The following SPTLC1 variants were observed in gnomAD, a reference collection of about 807,000 sequenced individuals.
The protein encoded by SPTLC1 is serine palmitoyltransferase 1.
A neutral mutation model predicts 68.9 loss-of-function variants in SPTLC1; 55 were observed. The ratio of observed to expected loss-of-function variants is 0.80; its 90% CI spans 0.64 to 1.00. The LOEUF (loss-of-function observed/expected upper bound fraction) is 1.00. SPTLC1 is among the 50% of genes least tolerant of loss of function. The pLI, the probability that SPTLC1 is intolerant of heterozygous loss-of-function variation, is 0.00. For missense variants in SPTLC1, 449 were observed against 573.1 expected, an observed-to-expected ratio of 0.78 and a Z score of 2.21; for synonymous variants, 197 against 201.6, an observed-to-expected ratio of 0.98 and a Z score of 0.19.
At chr9:92,066,336 C>G (rs1834283462) in intron 6 of SPTLC1, among the ~76,000 whole-genome samples, 1 of 152,310 alleles carries the variant, frequency 6.6e-6, no homozygotes, top group African/African-American at 2.4e-5. Flanking sequence ...ACAATAAATT[C>G]TCTCTGGCTG....
chr9:92,089,611 G>A (rs1050576032), intron 3 of SPTLC1, among the ~76,000 whole-genome samples: 3 of 152,114 alleles, frequency 2.0e-5, no homozygotes, highest in African/African-American at 7.2e-5. Flanking sequence ...TGAACGTAGA[G>A]GATATGAAGG....
chr9:92,101,106 A>G (rs1421553869), intron 3 of SPTLC1, among the ~76,000 whole-genome samples: 1 of 152,210 alleles, frequency 6.6e-6, no homozygotes, highest in Non-Finnish European at 1.5e-5. Context: ...GTTACCCTAA[A>G]TAAATGGAAA....
At chr9:92,085,388 A>T (rs1355271648) in intron 3 of SPTLC1, among the ~76,000 whole-genome samples, 1 of 150,184 alleles carries the variant, frequency 6.7e-6, no homozygotes, top group Non-Finnish European at 1.5e-5. Flanking sequence ...TAGTGCTATA[A>T]ATTTCCCTCT....
In SPTLC1 at chr9:92,057,304, T is replaced by C. The variant is rs552904357; in HGVS notation, c.691-1810A>G. ...TTGCTTTTTCATATCACAATATGAATATCCTTCAAAATGTGACATCATTTC... is the reference window on the plus strand; with the variant it reads ...TTGCTTTTTCATATCACAATATGAACATCCTTCAAAATGTGACATCATTTC... On this transcript the variant is annotated intron_variant, in intron 7 of 14. Coordinates refer to ENST00000262554, the MANE Select transcript of SPTLC1 (RefSeq NM_006415.4). 5.9e-5 allele frequency among the ~76,000 whole-genome samples: 9 copies of C among 152,350 alleles called. No homozygotes were observed. In the East Asian group the frequency reaches 7.7e-4, roughly 13 times the overall value.
chr9:92,039,183 T>C (rs1833255080), intron 12 of SPTLC1, among the ~76,000 whole-genome samples: 1 of 152,128 alleles, frequency 6.6e-6, no homozygotes, highest in Non-Finnish European at 1.5e-5. Flanking sequence ...ATACCTTATA[T>C]TTTGACTAAC....
chr9:92,071,100 T>A (rs1003587043), intron 5 of SPTLC1, among the ~76,000 whole-genome samples: 1 of 149,198 alleles, frequency 6.7e-6, no homozygotes, highest in African/African-American at 2.5e-5. Context: ...AAAAAAAAAA[T>A]CCCTAGAGGC....
intron 1 of SPTLC1, among the ~76,000 whole-genome samples, chr9:92,113,403 C>T (rs1395624199): frequency 1.3e-5 from 2 of 152,130 alleles, no homozygotes; most frequent in African/African-American, 4.8e-5. Flanking sequence ...AAGAAATCAC[C>T]CTAAGAAAAG....
rs1379763963 is a variant in SPTLC1 at position 92,032,272 on chromosome 9, A to G, written c.*193T>C. On this transcript the variant is annotated 3_prime_UTR_variant, in exon 15 of 15. Coordinates refer to ENST00000262554, the MANE Select transcript of SPTLC1 (RefSeq NM_006415.4). Reference sequence around the variant, plus strand: ...AAAAAATCAGTTCCTGGGCTTTTAGATGTGTTTTCTTTTTAAAAAAAATAA... The same window carrying G: ...AAAAAATCAGTTCCTGGGCTTTTAGGTGTGTTTTCTTTTTAAAAAAAATAA... 5.2e-6 allele frequency: 8 copies of G among 1,530,812 alleles called. No individual in the cohort carries two copies. Among genetic ancestry groups the G allele is most frequent in the Non-Finnish European group, 7.0e-6 (8 of 1,144,514 alleles). The allele number at this position is 1,530,812 out of a possible 1,614,324, so 94.8% of individuals were successfully genotyped here. A position where few individuals can be genotyped will look rare whatever the true frequency, so the allele number is the denominator to read the frequency against.
At position 92,032,085 on chromosome 9, in the gene SPTLC1, G is replaced by A; in HGVS notation, c.*380C>T. ...CTATGAAATACTAAGGAGTTAAGGA[G>A]TGCTTACTGAACCATTACTATTAGA... On this transcript the variant is annotated 3_prime_UTR_variant, in exon 15 of 15. Coordinates refer to ENST00000262554, the MANE Select transcript of SPTLC1 (RefSeq NM_006415.4). The A allele has an allele frequency of 1.8e-6, 1 of 568,574 alleles. No individual in the cohort carries two copies. The highest frequency in any genetic ancestry group is 2.5e-5 in the South Asian group (1 of 40,136). The allele number at this position is 568,574 out of a possible 1,614,324, so 35.2% of individuals were successfully genotyped here.
intron 7 of SPTLC1, among the ~76,000 whole-genome samples, chr9:92,058,264 AC>A (rs1833964676): frequency 6.6e-6 from 1 of 151,506 alleles, no homozygotes; most frequent in African/African-American, 2.5e-5. Flanking sequence ...TGACACCTAA[AC>A]AAAGATGACA....
intron 13 of SPTLC1, among the ~76,000 whole-genome samples, chr9:92,036,375 C>T (rs1226724340): frequency 2.0e-5 from 3 of 152,234 alleles, no homozygotes; most frequent in Admixed American, 6.5e-5. Context: ...CGCACGTCCT[C>T]CTCTGCGTCT....
intron 7 of SPTLC1, among the ~76,000 whole-genome samples, chr9:92,056,279 G>A (rs1833887707): frequency 6.6e-6 from 1 of 152,168 alleles, no homozygotes; most frequent in Admixed American, 6.5e-5. Flanking sequence ...ACCCAGGTGG[G>A]AGTGCAGTGG....
chr9:92,052,814 G>A (rs1272042560), intron 8 of SPTLC1, among the ~76,000 whole-genome samples: 2 of 152,014 alleles, frequency 1.3e-5, no homozygotes, highest in Non-Finnish European at 2.9e-5. Context: ...TTACAGGCGT[G>A]AGCCACCGTG....
intron 14 of SPTLC1, among the ~76,000 whole-genome samples, chr9:92,034,488 G>A (rs1050834635): frequency 2.0e-5 from 3 of 152,176 alleles, no homozygotes; most frequent in African/African-American, 7.2e-5. Context: ...CTTGTGGCAG[G>A]AACTCCTGGT....
At chr9:92,047,839 G>A in intron 9 of SPTLC1, 131 bp from the exon 10 acceptor site, 1 of 676,348 alleles carries the variant, frequency 1.5e-6, no homozygotes. Flanking sequence ...CTATCTACAT[G>A]AAAATAAAAA....
chr9:92,074,431 A>G (rs990611548), intron 5 of SPTLC1, among the ~76,000 whole-genome samples: 1 of 152,028 alleles, frequency 6.6e-6, no homozygotes, highest in African/African-American at 2.4e-5. Context: ...GACTACAGCC[A>G]CATCTCAGAG....
intron 6 of SPTLC1, among the ~76,000 whole-genome samples, chr9:92,060,348 T>C (rs903765480): frequency 2.6e-5 from 4 of 152,128 alleles, no homozygotes; most frequent in African/African-American, 9.6e-5. Flanking sequence ...CAAATGCCAA[T>C]AGTGAGATGA....
chr9:92,088,262 G>A (rs907905495), intron 3 of SPTLC1, among the ~76,000 whole-genome samples: 2 of 152,206 alleles, frequency 1.3e-5, no homozygotes, highest in African/African-American at 2.4e-5. Context: ...ACTGTCCTGC[G>A]CCCACTGTCT....
intron 1 of SPTLC1, among the ~76,000 whole-genome samples, chr9:92,113,617 T>C (rs1836324144): frequency 1.3e-5 from 2 of 152,222 alleles, no homozygotes; most frequent in Non-Finnish European, 2.9e-5. Context: ...AAATCATTTA[T>C]AAAAAAGATC....
Sources: gnomAD v4.1 joint callset for allele counts (sites outside exome capture counted in the v4.1 genomes callset) on GRCh38, gnomAD v4.1.1 for gene constraint, MANE v1.5 for transcripts, NCBI Gene and HGNC (gene_info 2026-07-23, HGNC 2026-07-21) for gene names.